Variants in MCF2 observed in about 807,000 individuals in gnomAD.
MCF2 encodes the protein proto-oncogene DBL.
Under a neutral mutation model 82.5 loss-of-function variants are expected in MCF2, and 44 were observed. The observed-to-expected ratio is 0.53, with a 90% CI of 0.42 to 0.69. MCF2 has a LOEUF of 0.69. MCF2 is among the 30% of genes least tolerant of loss of function. The pLI, the probability that MCF2 is intolerant of heterozygous loss-of-function variation, is 0.00. For missense variants in MCF2, 623 were observed against 663.1 expected, an observed-to-expected ratio of 0.94 and a Z score of 0.66; for synonymous variants, 217 against 224.9, an observed-to-expected ratio of 0.96 and a Z score of 0.32.
rs778109668 is a variant in MCF2, at chrX:139,622,367, A to C, written c.688-2661T>G. ...ACTAGAAATACCATTTGACCCAGCC[A>C]TCCCATTACTGGGTATATACCCAAA... On this transcript the variant is annotated intron_variant, in intron 6 of 24. Transcript: ENST00000370576. Among the ~76,000 whole-genome samples the C allele has an allele frequency of 1.3e-4, 14 of 111,961 alleles. No homozygotes were observed. The South Asian group carries it at 1.9e-3, about 15-fold the overall frequency.
chrX:139,647,433 C>T (rs1311754957), upstream of MCF2, among the ~76,000 whole-genome samples: 1 of 111,719 alleles, frequency 9.0e-6, no homozygotes, highest in Non-Finnish European at 1.9e-5. Flanking sequence ...TTTATTAATG[C>T]AAAGAAAGAT....
intron 1 of MCF2, among the ~76,000 whole-genome samples, chrX:139,693,002 C>T (rs769947945): frequency 8.9e-6 from 1 of 111,790 alleles, no homozygotes; most frequent in South Asian, 3.8e-4. Context: ...CACGAGAAAA[C>T]GGAAAGGCAA....
intron 1 of MCF2, among the ~76,000 whole-genome samples, chrX:139,640,642 A>G (rs970531208): frequency 9.0e-6 from 1 of 111,484 alleles, no homozygotes; most frequent in Non-Finnish European, 1.9e-5. Context: ...ACCTGTCCAC[A>G]GCCTCCAGAA....
In MCF2 at chrX:139,622,515, T is replaced by G. The variant is rs746159921; in HGVS notation, c.688-2809A>C. On this transcript the variant is annotated intron_variant, in intron 6 of 24. Transcript: ENST00000370576. ...ACAACGATAGAGTGGATTAAGAAAA[T>G]GTGGCACATATACACCATGGAATAC... is the stretch of plus-strand genomic sequence containing the variant. Among the ~76,000 whole-genome samples the G allele has an allele frequency of 2.7e-5, 3 of 111,254 alleles. No homozygotes were observed. The Admixed American group carries it at 2.9e-4, about 11-fold the overall frequency.
chrX:139,658,904 G>A (rs142097841), intron 1 of MCF2, among the ~76,000 whole-genome samples: 4,436 of 109,816 alleles, frequency 0.04, 240 homozygotes, highest in African/African-American at 0.14. Context: ...GGCTGGTCTC[G>A]AACTCTGGGA....
intron 1 of MCF2, among the ~76,000 whole-genome samples, chrX:139,666,409 A>G (rs1934521826): frequency 9.0e-6 from 1 of 111,122 alleles, no homozygotes; most frequent in Non-Finnish European, 1.9e-5. Context: ...CCCTAAAGTG[A>G]ATTTCCTCAG....
exon 25 of MCF2, chrX:139,582,302 C>T (rs1928540867): frequency 2.0e-6 from 1 of 510,702 alleles, no homozygotes; most frequent in Admixed American, 3.0e-5. Context: ...TAATTAAAAG[C>T]TTTATTAAAT....
At chrX:139,592,069 C>T (rs776752501) in intron 19 of MCF2, among the ~76,000 whole-genome samples, 3 of 110,797 alleles carry the variant, frequency 2.7e-5, no homozygotes, top group African/African-American at 9.8e-5. Context: ...CAGAAGTGAG[C>T]GTAGTGAACC....
rs1321300042 is a variant in MCF2, at chrX:139,616,559, C to T, written c.1000-86G>A. ...GTCCAATAAGTGAGTGGTTCTCAGCCTCTGGCTTCCGTGAGTCAGAAATGC... is the reference window on the plus strand; with the variant it reads ...GTCCAATAAGTGAGTGGTTCTCAGCTTCTGGCTTCCGTGAGTCAGAAATGC... On this transcript the variant is annotated intron_variant, in intron 8 of 24. Transcript: ENST00000370576. 11 of 507,620 alleles carry T rather than the reference C, an allele frequency of 2.2e-5. No individual in the cohort carries two copies. The Admixed American group carries it at 3.9e-4, about 18-fold the overall frequency. 41.8% of individuals were successfully genotyped at this position (507,620 alleles called of 1,213,427 possible). A position where few individuals can be genotyped will look rare whatever the true frequency, so the allele number is the denominator to read the frequency against.
chrX:139,584,198 C>T (rs759563441), intron 24 of MCF2, among the ~76,000 whole-genome samples: 2 of 98,993 alleles, frequency 2.0e-5, no homozygotes, highest in Non-Finnish European at 4.0e-5. Context: ...TGCAAGGGCA[C>T]TATCTCAGCT....
intron 15 of MCF2, among the ~76,000 whole-genome samples, chrX:139,603,792 A>G (rs893907251): frequency 2.1e-4 from 23 of 111,896 alleles, no homozygotes; most frequent in Non-Finnish European, 5.6e-5. Flanking sequence ...CCGAGATCAC[A>G]CCACTGAACT....
chrX:139,624,623 A>G (rs1932650571), intron 6 of MCF2, among the ~76,000 whole-genome samples: 1 of 111,537 alleles, frequency 9.0e-6, no homozygotes, highest in African/African-American at 3.3e-5. Flanking sequence ...CAAGGGCACT[A>G]AAGACACAAG....
chrX:139,655,476 C>T (rs1934164195), intron 1 of MCF2, among the ~76,000 whole-genome samples: 1 of 111,617 alleles, frequency 9.0e-6, no homozygotes, highest in African/African-American at 3.3e-5. Context: ...ACGTTGATTT[C>T]GTATTCTGCA....
chrX:139,691,734 C>A (rs1603309226), intron 1 of MCF2, among the ~76,000 whole-genome samples: 1 of 46,209 alleles, frequency 2.2e-5, no homozygotes, highest in Non-Finnish European at 3.7e-5. Context: ...TGTGTGTGTG[C>A]GCGGCGGGCG....
At chrX:139,703,833 T>A (rs1294106239) in intron 1 of MCF2, among the ~76,000 whole-genome samples, 2 of 111,085 alleles carry the variant, frequency 1.8e-5, no homozygotes, top group Non-Finnish European at 3.8e-5. Flanking sequence ...AGAAAAAAAA[T>A]TTCTGGAACT....
chrX:139,586,264 T>C (rs1928945241), intron 23 of MCF2, 114 bp downstream of exon 27: 4 of 513,556 alleles, frequency 7.8e-6, no homozygotes, highest in Non-Finnish European at 1.0e-5. Context: ...TAAAAATGGG[T>C]TAACTGTATT....
chrX:139,640,774 C>A (rs187610832), intron 1 of MCF2, among the ~76,000 whole-genome samples: 34 of 110,818 alleles, frequency 3.1e-4, no homozygotes, highest in Admixed American at 2.7e-3. Flanking sequence ...TACTATAGTT[C>A]TAGGCTTCAG....
intron 10 of MCF2, 88 bp from the exon 15 acceptor site, chrX:139,610,426 T>C: frequency 1.9e-6 from 1 of 517,464 alleles, no homozygotes; most frequent in Non-Finnish European, 3.1e-6. Flanking sequence ...TTAAATAACT[T>C]GAGTTAATAT....
At chrX:139,673,887 C>T (rs191528359) in intron 1 of MCF2, among the ~76,000 whole-genome samples, 80 of 111,446 alleles carry the variant, frequency 7.2e-4, no homozygotes, top group African/African-American at 1.3e-3. Context: ...CCTTCTGTCT[C>T]GTTGATCTGT....
Sources: allele counts gnomAD v4.1 joint callset (sites outside exome capture counted in the v4.1 genomes callset), GRCh38; gene constraint gnomAD v4.1.1; transcripts MANE v1.5; gene names NCBI Gene and HGNC (gene_info 2026-07-23, HGNC 2026-07-21).